The following B4GALNT2 variants were observed in gnomAD, a reference collection of about 807,000 sequenced individuals.
B4GALNT2 encodes beta-1,4-N-acetyl-galactosaminyltransferase 2 (SID blood group).
In B4GALNT2, 42 loss-of-function variants were observed where a neutral mutation model predicts 51.1. That is an observed-to-expected ratio of 0.82 (90% CI 0.64 to 1.06). The LOEUF (loss-of-function observed/expected upper bound fraction) is 1.06. Ranked by LOEUF, B4GALNT2 falls within the 50% of genes least tolerant of loss-of-function variation. The pLI, the probability that B4GALNT2 is intolerant of heterozygous loss-of-function variation, is 0.00. For synonymous variants in B4GALNT2, 253 were observed against 251.7 expected (o/e 1.01, Z -0.05); for missense variants, 602 against 633.6 (o/e 0.95, Z 0.54).
upstream of B4GALNT2, chr17:49,132,675 G>A (rs760553794): frequency 1.9e-4 from 245 of 1,260,562 alleles, no homozygotes; most frequent in Non-Finnish European, 2.4e-4. Context: ...CGTCCCAAGC[G>A]TCCTGCACCT....
intron 7 of B4GALNT2, among the ~76,000 whole-genome samples, chr17:49,163,267 G>A (rs1455628740): frequency 6.6e-6 from 1 of 152,172 alleles, no homozygotes; most frequent in Non-Finnish European, 1.5e-5. Flanking sequence ...CAGGCCTTGT[G>A]ATCTCCAAGT....
chr17:49,166,934 AC>A (rs1299434975), intron 9 of B4GALNT2, among the ~76,000 whole-genome samples: 1 of 152,176 alleles, frequency 6.6e-6, no homozygotes, highest in Non-Finnish European at 1.5e-5. Context: ...ATGTCACTGC[AC>A]TCCAGCCTGG....
chr17:49,171,328 A>G lies in B4GALNT2; in HGVS notation c.*1600A>G, dbSNP rs141720721. The stretch of plus-strand genomic sequence containing the variant: ...CTTCCAAGTGTCTTTATCCACTTTA[A>G]TGGGTTAATATCTGCTAATCTGTCT... On this transcript the variant is annotated 3_prime_UTR_variant, in exon 11 of 11. Transcript: ENST00000393354. The G allele has an allele frequency of 4.7e-4, 185 of 394,218 alleles. 1 individual carries two copies. Among genetic ancestry groups the G allele is most frequent in the Middle Eastern group, 4.2e-3 (5 of 1,180 alleles). The allele number at this position is 394,218 out of a possible 1,614,324, so 24.4% of individuals were successfully genotyped here. A position where few individuals can be genotyped will look rare whatever the true frequency, so the allele number is the denominator to read the frequency against.
Position 49,172,650 on chromosome 17 carries a change from T to G in B4GALNT2, c.*2922T>G, listed in dbSNP as rs1384524615. The G allele has an allele frequency of 6.5e-6, 1 of 153,960 alleles. No homozygotes were observed. The highest frequency in any genetic ancestry group is 1.5e-5 in the Non-Finnish European group (1 of 68,040). The allele number at this position is 153,960 out of a possible 1,614,324, so 9.5% of individuals were successfully genotyped here. A position where few individuals can be genotyped will look rare whatever the true frequency, so the allele number is the denominator to read the frequency against. On this transcript the variant is annotated 3_prime_UTR_variant, in exon 11 of 11. Coordinates refer to ENST00000393354, the MANE Select transcript of B4GALNT2 (RefSeq NM_001159387.2). ...TGAGAATTATATGGGATGCCAGTAA[T>G]GTGTTTAATATTCCATATAGAGAAA...
At chr17:49,150,590 C>G (rs2042743593) in intron 3 of B4GALNT2, among the ~76,000 whole-genome samples, 1 of 151,720 alleles carries the variant, frequency 6.6e-6, no homozygotes, top group Admixed American at 6.6e-5. Flanking sequence ...AAAAATTCTT[C>G]TGCCTTGGGA....
At position 49,161,539 on chromosome 17, in the gene B4GALNT2, G is replaced by A. The variant is rs147260893; in HGVS notation, c.766+898G>A. On this transcript the variant is annotated intron_variant, in intron 7 of 10. Coordinates refer to ENST00000393354, the MANE Select transcript of B4GALNT2 (RefSeq NM_001159387.2). ...GGATCACCACTATACTCCAGCCTGT[G>A]CAACAGAGCAAGACCCTGTCTCAAA... Among the ~76,000 whole-genome samples, 527 of 152,170 alleles carry A rather than the reference G, an allele frequency of 3.5e-3. 3 individuals are homozygous for A. The highest frequency in any genetic ancestry group is 0.012 in the African/African-American group (507 of 41,500).
At chr17:49,151,110 C>A (rs1391147893) in intron 3 of B4GALNT2, among the ~76,000 whole-genome samples, 64,623 of 64,686 alleles carry the variant, frequency 1, 32,285 homozygotes, top group Middle Eastern at 1. Flanking sequence ...CGCGGTGGCT[C>A]ACGCCTGTAA....
chr17:49,121,476 C>T, the B4GALNT2 span, among the ~76,000 whole-genome samples: 1 of 152,268 alleles, frequency 6.6e-6, no homozygotes, highest in South Asian at 2.1e-4. Flanking sequence ...CCACTTGAAG[C>T]TTCTCCCATA....
At chr17:49,151,704 C>G (rs370932872) in intron 3 of B4GALNT2, among the ~76,000 whole-genome samples, 16 of 150,988 alleles carry the variant, frequency 1.1e-4, no homozygotes, top group African/African-American at 3.7e-4. Context: ...TGAGATCGCA[C>G]CACTGAACTC....
At chr17:49,142,444 C>G (rs892810364) in intron 3 of B4GALNT2, among the ~76,000 whole-genome samples, 6 of 152,168 alleles carry the variant, frequency 3.9e-5, no homozygotes, top group Non-Finnish European at 8.8e-5. Flanking sequence ...CATTCTAGCA[C>G]TTTGGGAGGT....
chr17:49,122,648 G>T, the B4GALNT2 span, among the ~76,000 whole-genome samples: 1 of 152,108 alleles, frequency 6.6e-6, no homozygotes, highest in African/African-American at 2.4e-5. Flanking sequence ...AAATTTTTCA[G>T]CAGTGTCTCT....
At chr17:49,148,152 T>C (rs1274740049) in intron 3 of B4GALNT2, among the ~76,000 whole-genome samples, 2 of 151,634 alleles carry the variant, frequency 1.3e-5, no homozygotes, top group Non-Finnish European at 2.9e-5. Flanking sequence ...ATACAAAAAT[T>C]AGTCGAGCGT....
intron 4 of B4GALNT2, among the ~76,000 whole-genome samples, chr17:49,154,820 G>A (rs1236253888): frequency 2.0e-5 from 3 of 152,118 alleles, no homozygotes; most frequent in Admixed American, 2.0e-4. Flanking sequence ...GGACAGGGAA[G>A]CAGAGATGAG....
intron 5 of B4GALNT2, among the ~76,000 whole-genome samples, chr17:49,158,313 C>CTGAG (rs974972293): frequency 6.6e-6 from 1 of 152,116 alleles, no homozygotes; most frequent in Non-Finnish European, 1.5e-5. Flanking sequence ...GAAAGGTGAG[C>CTGAG]TGAGACTTAC....
chr17:49,133,860 C>T (rs563806457), intron 1 of B4GALNT2, among the ~76,000 whole-genome samples: 3 of 152,156 alleles, frequency 2.0e-5, no homozygotes, highest in East Asian at 1.9e-4. Flanking sequence ...TGCAGTGAGC[C>T]GAGATTGCTC....
At chr17:49,153,754 C>T (rs1047849875) in intron 4 of B4GALNT2, among the ~76,000 whole-genome samples, 1 of 151,888 alleles carries the variant, frequency 6.6e-6, no homozygotes, top group African/African-American at 2.4e-5. Context: ...GTGATCTCCT[C>T]ACCTCGGCCT....
chr17:49,155,297 C>CA (rs34869721), intron 4 of B4GALNT2, among the ~76,000 whole-genome samples: 6,744 of 52,894 alleles, frequency 0.13, 439 homozygotes, highest in Admixed American at 0.17. Context: ...GATTCAGTCT[C>CA]AAAAAAAAAA....
Position 49,176,772 on chromosome 17 carries a change from T to A in B4GALNT2, c.*7044T>A, listed in dbSNP as rs916782629. On this transcript the variant is annotated 3_prime_UTR_variant, in exon 11 of 11. Coordinates refer to ENST00000393354, the MANE Select transcript of B4GALNT2 (RefSeq NM_001159387.2). Reference sequence around the variant, plus strand: ...TTTTCTTCCTGTGGCCTAGGGTAGTTCAGGATCACTAAAAATGTGTTCTGT... The same window carrying A: ...TTTTCTTCCTGTGGCCTAGGGTAGTACAGGATCACTAAAAATGTGTTCTGT... 1 of 152,210 alleles carries A rather than the reference T, an allele frequency of 6.6e-6. No homozygotes were observed. The highest frequency in any genetic ancestry group is 2.4e-5 in the African/African-American group (1 of 41,452). The allele number at this position is 152,210 out of a possible 1,614,324, so 9.4% of individuals were successfully genotyped here.
In B4GALNT2 at chr17:49,145,435, A is replaced by C. The variant is rs531543314; in HGVS notation, c.353+3263A>C. 9.2e-5 allele frequency among the ~76,000 whole-genome samples: 14 copies of C among 152,362 alleles called. No individual in the cohort carries two copies. In the South Asian group the frequency reaches 2.5e-3, roughly 27 times the overall value. ...AGATATTTTCTTAGTACAAGTGTGT[A>C]TATGCACAAACATGTTTTTAACAAA... On this transcript the variant is annotated intron_variant, in intron 3 of 10. Transcript: ENST00000393354.
Sources: gnomAD v4.1 joint callset for allele counts (sites outside exome capture counted in the v4.1 genomes callset) on GRCh38, gnomAD v4.1.1 for gene constraint, MANE v1.5 for transcripts, NCBI Gene and HGNC (gene_info 2026-07-23, HGNC 2026-07-21) for gene names.